The following ATP9B variants were observed in gnomAD, a reference collection of about 807,000 sequenced individuals.
ATP9B encodes the protein probable phospholipid-transporting ATPase IIB.
In ATP9B, 110 loss-of-function variants were observed where a neutral mutation model predicts 146.1. That is an observed-to-expected ratio of 0.75 (90% confidence interval 0.65 to 0.88). The LOEUF (loss-of-function observed/expected upper bound fraction) is 0.88, where lower values mean the gene tolerates loss of function less well. Among genes scored for constraint, ATP9B ranks in the 40% least tolerant of loss-of-function variants. The probability of loss-of-function intolerance (pLI) is 0.00; values close to 1 mark genes in which losing one functional copy is unlikely to be tolerated. For synonymous variants in ATP9B, 604 were observed against 569.7 expected, an observed-to-expected ratio of 1.06 and a Z score of -0.86; for missense variants, 1,499 against 1,496.4, an observed-to-expected ratio of 1.00 and a Z score of -0.03.
At chr18:79,105,209 C>T (rs956596586) in intron 2 of ATP9B, among the ~76,000 whole-genome samples, 2 of 152,130 alleles carry the variant, frequency 1.3e-5, no homozygotes, top group Non-Finnish European at 2.9e-5. Flanking sequence ...TTCTTTGTTT[C>T]TTATAAATTT....
chr18:79,105,199 T>G lies in ATP9B; in HGVS notation c.294-5156T>G, dbSNP rs1456782734. 5.9e-5 allele frequency among the ~76,000 whole-genome samples: 9 copies of G among 152,242 alleles called. No individual in the cohort carries two copies. In the East Asian group the frequency reaches 1.7e-3, roughly 29 times the overall value. The stretch of plus-strand genomic sequence containing the variant: ...TATACATTTAGCAAGTAGATTGGTC[T>G]TCTTTGTTTCTTATAAATTTTCAGT... On this transcript the variant is annotated intron_variant, in intron 2 of 29. Coordinates refer to ENST00000426216, the MANE Select transcript of ATP9B (RefSeq NM_198531.5).
intron 8 of ATP9B, among the ~76,000 whole-genome samples, chr18:79,185,754 C>T (rs919652284): frequency 6.6e-6 from 1 of 152,174 alleles, no homozygotes; most frequent in Non-Finnish European, 1.5e-5. Context: ...CTCATTCTGA[C>T]ATTCGTGTCT....
At chr18:79,282,196 G>A (rs35023894) in intron 13 of ATP9B, among the ~76,000 whole-genome samples, 1,697 of 152,314 alleles carry the variant, frequency 0.011, 25 homozygotes, top group Admixed American at 0.02. Context: ...AATGGAATCC[G>A]CTCCTGGAGA....
Position 79,345,911 on chromosome 18 carries a change from C to G in ATP9B, c.2682+72C>G, listed in dbSNP as rs543549688. Reference sequence around the variant, plus strand: ...TCAACACGACTCAGCACATGCTGGGCCACTGTACACTCAGCACCTACTTGG... The same window carrying G: ...TCAACACGACTCAGCACATGCTGGGGCACTGTACACTCAGCACCTACTTGG... On this transcript the variant is annotated intron_variant, in intron 23 of 29. Transcript: ENST00000426216. 3.0e-4 allele frequency: 449 copies of G among 1,511,410 alleles called. 3 individuals are homozygous for G. Among genetic ancestry groups the G allele is most frequent in the Non-Finnish European group, 3.9e-4 (421 of 1,091,380 alleles). 93.6% of individuals were successfully genotyped at this position (1,511,410 alleles called of 1,614,324 possible).
chr18:79,206,659 A>AATAAATAT (rs1407211727), intron 9 of ATP9B, among the ~76,000 whole-genome samples: 29 of 150,196 alleles, frequency 1.9e-4, no homozygotes, highest in Non-Finnish European at 3.8e-4. Context: ...TAAATAAATA[A>AATAAATAT]ATATTAGAAG....
At chr18:79,252,825 A>G (rs1293437033) in intron 11 of ATP9B, among the ~76,000 whole-genome samples, 3 of 149,760 alleles carry the variant, frequency 2.0e-5, no homozygotes, top group Non-Finnish European at 4.4e-5. Context: ...CTGTAAGACA[A>G]GTTCTTTCAG....
At chr18:79,374,143 A>G (rs756929270) in intron 28 of ATP9B, 42 bp downstream of exon 28, 5 of 1,585,008 alleles carry the variant, frequency 3.2e-6, no homozygotes, top group Non-Finnish European at 8.6e-7. Context: ...TTCTCTATTC[A>G]TGATTTTGAA....
intron 15 of ATP9B, among the ~76,000 whole-genome samples, chr18:79,320,450 C>G (rs939883421): frequency 3.9e-5 from 6 of 152,184 alleles, no homozygotes; most frequent in African/African-American, 1.4e-4. Flanking sequence ...GCGCGGCCGG[C>G]ACTCCACACA....
intron 17 of ATP9B, among the ~76,000 whole-genome samples, chr18:79,332,231 C>T (rs1421277070): frequency 6.6e-6 from 1 of 152,110 alleles, no homozygotes; most frequent in Admixed American, 6.5e-5. Context: ...AGATTGAGAC[C>T]CTCCTGGCTA....
chr18:79,284,256 G>A (rs181525624), intron 13 of ATP9B, among the ~76,000 whole-genome samples: 4 of 152,136 alleles, frequency 2.6e-5, no homozygotes, highest in East Asian at 1.9e-4. Flanking sequence ...GCTAATAACC[G>A]GGTATTCAGT....
At chr18:79,267,214 A>G (rs1354262478) in intron 12 of ATP9B, among the ~76,000 whole-genome samples, 1 of 152,084 alleles carries the variant, frequency 6.6e-6, no homozygotes, top group Non-Finnish European at 1.5e-5. Flanking sequence ...CAGTTTGTTC[A>G]TATTTTCCTG....
At chr18:79,321,365 G>A (rs2096714869) in intron 15 of ATP9B, among the ~76,000 whole-genome samples, 1 of 148,056 alleles carries the variant, frequency 6.8e-6, no homozygotes, top group Admixed American at 6.9e-5. Flanking sequence ...TATTTTTCTT[G>A]TAGTTATTTC....
intron 8 of ATP9B, among the ~76,000 whole-genome samples, chr18:79,192,978 C>CA (rs2095382424): frequency 6.6e-6 from 1 of 152,130 alleles, no homozygotes. Flanking sequence ...ACCTGCTGTT[C>CA]AAAAGCACAC....
chr18:79,213,940 G>A (rs2095605285), intron 10 of ATP9B, 22 bp from the exon 11 acceptor site: 1 of 1,554,602 alleles, frequency 6.4e-7, no homozygotes, highest in Non-Finnish European at 8.7e-7. Context: ...TTTCTACAAG[G>A]ACCACTTTCA....
At chr18:79,256,284 T>TATATATATATATACATATAC (rs1217998447) in intron 12 of ATP9B, among the ~76,000 whole-genome samples, 2 of 122,898 alleles carry the variant, frequency 1.6e-5, no homozygotes, top group Non-Finnish European at 3.7e-5. Context: ...TATATATATA[T>TATATATATATATACATATAC]ATACATACAT....
At chr18:79,290,651 AGT>A (rs2096494058) in intron 13 of ATP9B, among the ~76,000 whole-genome samples, 1 of 152,160 alleles carries the variant, frequency 6.6e-6, no homozygotes, top group Non-Finnish European at 1.5e-5. Context: ...GGCACTCCCT[AGT>A]GAGATGAACC....
chr18:79,102,920 A>G (rs2075384008), intron 2 of ATP9B, among the ~76,000 whole-genome samples: 1 of 152,226 alleles, frequency 6.6e-6, no homozygotes, highest in African/African-American at 2.4e-5. Flanking sequence ...TTTGGATTCC[A>G]CATTTTCTTT....
At chr18:79,178,802 C>T (rs1295939701) in intron 8 of ATP9B, among the ~76,000 whole-genome samples, 1 of 152,122 alleles carries the variant, frequency 6.6e-6, no homozygotes, top group Non-Finnish European at 1.5e-5. Flanking sequence ...TGCTGATGTT[C>T]ATGAAACATA....
chr18:79,197,886 A>G (rs1423580077), intron 9 of ATP9B, among the ~76,000 whole-genome samples: 1 of 152,238 alleles, frequency 6.6e-6, no homozygotes, highest in Non-Finnish European at 1.5e-5. Context: ...CATAAAATCT[A>G]CGAGAACGGA....
Sources: gnomAD v4.1 joint callset for allele counts (sites outside exome capture counted in the v4.1 genomes callset) on GRCh38, gnomAD v4.1.1 for gene constraint, MANE v1.5 for transcripts, NCBI Gene and HGNC (gene_info 2026-07-23, HGNC 2026-07-21) for gene names.